Variants in TIMELESS observed in about 807,000 individuals in gnomAD.
The protein encoded by TIMELESS is protein timeless homolog.
TIMELESS carries 124 observed loss-of-function variants against 164.3 expected under a neutral mutation model. That is an observed-to-expected ratio of 0.75 (90% CI 0.65 to 0.88). TIMELESS has a LOEUF of 0.88. TIMELESS is among the 40% of genes least tolerant of loss of function. The pLI, the probability that TIMELESS is intolerant of heterozygous loss-of-function variation, is 0.00. For synonymous variants in TIMELESS, 564 were observed against 563.4 expected, an observed-to-expected ratio of 1.00 and a Z score of -0.02; for missense variants, 1,422 against 1,491.4, an observed-to-expected ratio of 0.95 and a Z score of 0.77.
rs1200073887 is a variant in TIMELESS at position 56,421,364 on chromosome 12, G to A, written c.2855C>T (p.Ala952Val). 1 of 1,613,752 alleles carries A rather than the reference G, an allele frequency of 6.2e-7. No homozygotes were observed. The highest frequency in any genetic ancestry group is 2.2e-5 in the East Asian group (1 of 44,898). Residue 952 changes from alanine (A) to valine (V), a missense_variant, in exon 23 of 29, where the codon GCA becomes GTA. By Grantham distance (64) the Ala-to-Val change is moderately conservative. Transcript: ENST00000553532. ...ELYKKRQKKL[A>V]SSILPNGAES... ...TCAGATTGTTACCAAGATGGAGGAT[G>A]CCAACTTTTTCTGCCGTTTCTTGTA...
At chr12:56,420,027 A>AAAAT (rs1272145051) in intron 26 of TIMELESS, among the ~76,000 whole-genome samples, 1 of 85,848 alleles carries the variant, frequency 1.2e-5, no homozygotes, top group Non-Finnish European at 2.1e-5. Context: ...AAAAAAAAAA[A>AAAAT]AAATATATAT....
chr12:56,437,444 C>T (rs561909416), intron 1 of TIMELESS, among the ~76,000 whole-genome samples: 7 of 150,232 alleles, frequency 4.7e-5, no homozygotes, highest in Non-Finnish European at 7.4e-5. Context: ...GAGACAGGGT[C>T]TCACTCAGGC....
chr12:56,420,029 A>AAAAAAAAAAATATATATATATAT (rs1555176447), intron 26 of TIMELESS, among the ~76,000 whole-genome samples: 1 of 75,188 alleles, frequency 1.3e-5, no homozygotes, highest in African/African-American at 6.7e-5. Flanking sequence ...AAAAAAAAAA[A>AAAAAAAAAAATATATATATATAT]ATATATATAT....
chr12:56,426,335 GA>G (rs1382521212), intron 13 of TIMELESS, among the ~76,000 whole-genome samples: 1 of 150,720 alleles, frequency 6.6e-6, no homozygotes, highest in South Asian at 2.1e-4. Flanking sequence ...AGTTATGACA[GA>G]ATTTTAAGCT....
intron 13 of TIMELESS, among the ~76,000 whole-genome samples, chr12:56,426,855 T>C (rs760410094): frequency 4.6e-5 from 7 of 151,952 alleles, no homozygotes; most frequent in Non-Finnish European, 8.8e-5. Flanking sequence ...CCACCGCGCC[T>C]GGCCCAAAAT....
At position 56,429,854 on chromosome 12, in the gene TIMELESS, C is replaced by T. The variant is rs571601995; in HGVS notation, c.1086+251G>A. Among the ~76,000 whole-genome samples the T allele has an allele frequency of 3.3e-5, 5 of 152,002 alleles. No homozygotes were observed. In the South Asian group the frequency reaches 8.3e-4, roughly 25 times the overall value. On this transcript the variant is annotated intron_variant, in intron 10 of 28. Transcript: ENST00000553532. Reference sequence around the variant, plus strand: ...TCTAGGATCCACAATTTCCAACTCTCTCCTGTTCTCCCTTTCCTCTCCCTC... The same window carrying T: ...TCTAGGATCCACAATTTCCAACTCTTTCCTGTTCTCCCTTTCCTCTCCCTC...
At chr12:56,436,716 C>A (rs1417398036) in intron 1 of TIMELESS, among the ~76,000 whole-genome samples, 2 of 152,140 alleles carry the variant, frequency 1.3e-5, no homozygotes, top group Non-Finnish European at 2.9e-5. Context: ...AGTAAGAATA[C>A]ATTATCCTTA....
intron 22 of TIMELESS, 24 bp from the exon 23 acceptor site, chr12:56,421,517 A>G: frequency 6.2e-7 from 1 of 1,600,904 alleles, no homozygotes; most frequent in South Asian, 1.1e-5. Context: ...GCATGTGAAT[A>G]CCCAAGGGTA....
chr12:56,421,619 G>T lies in TIMELESS; in HGVS notation c.2725+108C>A. 7 of 1,522,882 alleles carry T rather than the reference G, an allele frequency of 4.6e-6. No individual in the cohort carries two copies. The Middle Eastern group carries it at 8.6e-4, about 188-fold the overall frequency. 94.3% of individuals were successfully genotyped at this position (1,522,882 alleles called of 1,614,324 possible). Reference sequence around the variant, plus strand: ...AATGACACTTACAAATATAGTAAGTGAACAGAAGGGATGGGAGAATCTTTC... The same window carrying T: ...AATGACACTTACAAATATAGTAAGTTAACAGAAGGGATGGGAGAATCTTTC... On this transcript the variant is annotated intron_variant, in intron 22 of 28. Coordinates refer to ENST00000553532, the MANE Select transcript of TIMELESS (RefSeq NM_003920.5).
rs1011242374 is a variant in TIMELESS, at chr12:56,423,444, C to T, written c.2122G>A (p.Val708Met). ...FACSTVVRAY[V>M]LLLRSYQQNS... ...TGCTGGTAGCTCCTTAGTAGCAGCA[C>T]ATAGGCTCGAACGACAGTTGAACAT... is the stretch of plus-strand genomic sequence containing the variant. Residue 708 changes from valine to methionine, a missense_variant, in exon 18 of 29, where the codon GTG becomes ATG. By Grantham distance (21) the Val-to-Met change is conservative (BLOSUM62 1). Transcript: ENST00000553532. 1.2e-5 allele frequency: 20 copies of T among 1,614,036 alleles called. No individual in the cohort carries two copies. The highest frequency in any genetic ancestry group is 7.7e-5 in the South Asian group (7 of 91,086).
At chr12:56,438,015 C>T (rs987585620) in intron 1 of TIMELESS, among the ~76,000 whole-genome samples, 6 of 151,998 alleles carry the variant, frequency 3.9e-5, no homozygotes, top group African/African-American at 1.2e-4. Context: ...TCTCTCGCTC[C>T]GAGAGTGTTA....
Position 56,423,387 on chromosome 12 carries a change from T to G in TIMELESS, c.2179A>C (p.Lys727Gln), listed in dbSNP as rs1166241424. The G allele has an allele frequency of 3.1e-6, 5 of 1,614,158 alleles. No individual in the cohort carries two copies. The highest frequency in any genetic ancestry group is 1.7e-5 in the Admixed American group (1 of 60,018). The stretch of plus-strand genomic sequence containing the variant: ...TCATGGGCCAGCCGGTGCAGCATCT[T>G]CACAATGCAATGGTTAGTGTGGGCA... The part of the protein sequence containing the change: ...NSAHTNHCIV[K>Q]MLHRLAHDLK... The change falls in exon 18 of 29, where the codon AAG (lysine) becomes CAG (glutamine). Residue 727 changes from lysine (K) to glutamine (Q), a missense_variant. Lys to Gln is a moderately conservative substitution (Grantham distance 53). Coordinates refer to ENST00000553532, the MANE Select transcript of TIMELESS (RefSeq NM_003920.5).
At position 56,425,138 on chromosome 12, in the gene TIMELESS, C is replaced by T. The variant is rs774050; in HGVS notation, c.1593G>A (p.Lys531=). 73,428 of 1,613,376 alleles carry T rather than the reference C, an allele frequency of 0.046. 2,439 individuals carry two copies. Among genetic ancestry groups the T allele is most frequent in the Admixed American group, 0.13 (8,059 of 59,960 alleles). The change falls in exon 14 of 29, where the codon AAG becomes AAA. Residue 531 remains lysine (K), a synonymous_variant. Transcript: ENST00000553532. ...GNLVVQNKQK[K]RRKKKKKVLD... is the part of the protein sequence containing the mutation. ...GGACCTTCTTCTTCTTCTTCCTTCT[C>T]TTCTTTTGTTTGTTCTGTGGGGAAA...
chr12:56,430,839 G>A (rs781169190), intron 9 of TIMELESS, 42 bp downstream of exon 9: 19 of 1,348,834 alleles, frequency 1.4e-5, no homozygotes, highest in African/African-American at 6.0e-5. Context: ...CTTAAGCTAT[G>A]CAACTCCACT....
rs1340664652 is a variant in TIMELESS, at chr12:56,421,119, A to G, written c.2884T>C (p.Ser962Pro). 1 of 1,613,542 alleles carries G rather than the reference A, an allele frequency of 6.2e-7. No homozygotes were observed. The highest frequency in any genetic ancestry group is 1.1e-5 in the South Asian group (1 of 91,030). Residue 962 changes from serine to proline, a missense_variant, in exon 24 of 29, where the codon TCC (serine) becomes CCC (proline). Coordinates refer to ENST00000553532, the MANE Select transcript of TIMELESS (RefSeq NM_003920.5). ...TCTTCCTGGCAAAAATCTTTCAGGG[A>G]CTCCGCTCCATTTGGCTAAAATTCA... is the stretch of plus-strand genomic sequence containing the variant. ...ASSILPNGAE[S>P]LKDFCQEDLE... is the part of the protein sequence containing the mutation.
intron 1 of TIMELESS, among the ~76,000 whole-genome samples, chr12:56,448,638 A>C (rs1258611707): frequency 6.6e-6 from 1 of 151,328 alleles, no homozygotes; most frequent in Admixed American, 6.6e-5. Flanking sequence ...CTGAGGCAAG[A>C]GAATCGCTTG....
chr12:56,431,075 C>T (rs1011411952), intron 8 of TIMELESS, 107 bp from the exon 9 acceptor site: 10 of 744,428 alleles, frequency 1.3e-5, no homozygotes, highest in African/African-American at 7.4e-5. Flanking sequence ...AAATGTTGGT[C>T]GGGCACGGTG....
intron 1 of TIMELESS, among the ~76,000 whole-genome samples, chr12:56,439,440 C>G (rs11171852): frequency 6.6e-6 from 1 of 150,528 alleles, no homozygotes. Context: ...GTTGACCAGC[C>G]CAGGTTGGAG....
Position 56,422,848 on chromosome 12 carries a change from T to C in TIMELESS, c.2437A>G (p.Arg813Gly), listed in dbSNP as rs1342927625. 9.4e-6 allele frequency: 12 copies of C among 1,278,504 alleles called. No individual in the cohort carries two copies. The highest frequency in any genetic ancestry group is 1.2e-5 in the Non-Finnish European group (11 of 938,814). The allele number at this position is 1,278,504 out of a possible 1,614,324, so 79.2% of individuals were successfully genotyped here. ...MTEGYGSLDD[R>G]SSSRRAPTWS... ...ACCCTTTGCCAACTTCAAGCTCACC[T>C]GTCATCCAGGGAGCCATAGCCCTCA... is the stretch of plus-strand genomic sequence containing the variant. The change falls in exon 19 of 29, where the codon AGG becomes GGG. Residue 813 changes from arginine (R) to glycine (G), a missense_variant and splice_region_variant. By Grantham distance (125) the Arg-to-Gly change is moderately radical. Transcript: ENST00000553532.
Sources: gnomAD v4.1 joint callset for allele counts (sites outside exome capture counted in the v4.1 genomes callset) on GRCh38, gnomAD v4.1.1 for gene constraint, MANE v1.5 for transcripts, NCBI Gene and HGNC (gene_info 2026-07-23, HGNC 2026-07-21) for gene names.